Variants in KCNJ6 observed in about 807,000 individuals in gnomAD.
KCNJ6 encodes the protein G protein-activated inward rectifier potassium channel 2.
Under a neutral mutation model 34.2 loss-of-function variants are expected in KCNJ6, and 9 were observed. The observed-to-expected ratio is 0.26, with a 90% confidence interval of 0.16 to 0.46. The LOEUF (loss-of-function observed/expected upper bound fraction) is 0.46. Ranked by LOEUF, KCNJ6 falls within the 20% of genes least tolerant of loss-of-function variation. The probability of loss-of-function intolerance (pLI) is 1.00; values close to 1 mark genes in which losing one functional copy is unlikely to be tolerated. For synonymous variants in KCNJ6, 196 were observed against 207.1 expected (o/e 0.95, Z 0.46); for missense variants, 236 against 531.3 (o/e 0.44, Z 5.46).
chr21:37,847,401 AC>A (rs5843870), intron 1 of KCNJ6, among the ~76,000 whole-genome samples: 152,302 of 152,302 alleles, frequency 1, 76,151 homozygotes, highest in Non-Finnish European at 1. Context: ...CTGCACCTGC[AC>A]TCTCTCAGCC....
In KCNJ6 at chr21:37,622,714, T is replaced by C. The variant is rs2054293852; in HGVS notation, c.*2445A>G. 6.6e-6 allele frequency: 1 copy of C among 152,160 alleles called. No homozygotes were observed. The highest frequency in any genetic ancestry group is 1.5e-5 in the Non-Finnish European group (1 of 68,042). 9.4% of individuals were successfully genotyped at this position (152,160 alleles called of 1,614,324 possible). A position where few individuals can be genotyped will look rare whatever the true frequency, so the allele number is the denominator to read the frequency against. ...CACGTGGCCAACGTGTTGTCAAGGCTCTTCGTTCAGTTGTGCTAAAGGGCA... is the reference window on the plus strand; with the variant it reads ...CACGTGGCCAACGTGTTGTCAAGGCCCTTCGTTCAGTTGTGCTAAAGGGCA... On this transcript the variant is annotated 3_prime_UTR_variant, in exon 4 of 4. Transcript: ENST00000609713.
intron 2 of KCNJ6, among the ~76,000 whole-genome samples, chr21:37,818,432 T>C (rs541896799): frequency 2.0e-5 from 3 of 152,178 alleles, no homozygotes; most frequent in South Asian, 4.2e-4. Context: ...TATAACACAA[T>C]GCCCATTCCT....
At chr21:37,851,973 T>C (rs1310917887) in intron 1 of KCNJ6, among the ~76,000 whole-genome samples, 3 of 151,926 alleles carry the variant, frequency 2.0e-5, no homozygotes, top group Non-Finnish European at 4.4e-5. Flanking sequence ...TGTCAATAGA[T>C]GCAGACAAAA....
chr21:37,650,055 G>A (rs555149702), intron 3 of KCNJ6, among the ~76,000 whole-genome samples: 15 of 152,126 alleles, frequency 9.9e-5, no homozygotes, highest in South Asian at 6.3e-4. Flanking sequence ...GAACCACCGC[G>A]CCTGGCCTAA....
chr21:37,785,368 A>C (rs1254176367), intron 2 of KCNJ6, among the ~76,000 whole-genome samples: 1 of 152,142 alleles, frequency 6.6e-6, no homozygotes, highest in Non-Finnish European at 1.5e-5. Flanking sequence ...CTGAGGAAAA[A>C]CCACCTTGTC....
chr21:37,783,053 G>C (rs1478398651), intron 2 of KCNJ6, among the ~76,000 whole-genome samples: 1 of 152,124 alleles, frequency 6.6e-6, no homozygotes, highest in Non-Finnish European at 1.5e-5. Context: ...AGACTGTCAA[G>C]CTCAAATCCT....
At chr21:37,899,715 G>A (rs984564915) in intron 1 of KCNJ6, among the ~76,000 whole-genome samples, 2 of 152,144 alleles carry the variant, frequency 1.3e-5, no homozygotes, top group Non-Finnish European at 2.9e-5. Context: ...ACAAATCCTA[G>A]CTACCTGGTA....
intron 3 of KCNJ6, among the ~76,000 whole-genome samples, chr21:37,649,132 CAAAAAA>C (rs1169306298): frequency 5.0e-5 from 2 of 40,034 alleles, no homozygotes; most frequent in Non-Finnish European, 1.0e-4. Flanking sequence ...GACTCCATCT[CAAAAAA>C]AAAAAAAAAA....
At chr21:37,800,054 T>C (rs2055261957) in intron 2 of KCNJ6, among the ~76,000 whole-genome samples, 1 of 152,188 alleles carries the variant, frequency 6.6e-6, no homozygotes, top group African/African-American at 2.4e-5. Context: ...ATCTGAGGCA[T>C]TTGTAAGAAG....
At chr21:37,791,297 C>T (rs1461889788) in intron 2 of KCNJ6, among the ~76,000 whole-genome samples, 1 of 152,232 alleles carries the variant, frequency 6.6e-6, no homozygotes, top group Non-Finnish European at 1.5e-5. Context: ...TAGTGTTACT[C>T]TTGAAGGTCT....
chr21:37,886,588 A>T (rs1343108717), intron 1 of KCNJ6, among the ~76,000 whole-genome samples: 1 of 152,250 alleles, frequency 6.6e-6, no homozygotes, highest in East Asian at 1.9e-4. Flanking sequence ...TTAATAAGGC[A>T]TCACGCATAT....
At chr21:37,877,592 T>C (rs954044012) in intron 1 of KCNJ6, among the ~76,000 whole-genome samples, 2 of 150,308 alleles carry the variant, frequency 1.3e-5, no homozygotes, top group Non-Finnish European at 3.0e-5. Flanking sequence ...AAATCTTGGC[T>C]AGGCTAACAG....
intron 2 of KCNJ6, among the ~76,000 whole-genome samples, chr21:37,787,991 A>G (rs1395044032): frequency 6.6e-6 from 1 of 152,208 alleles, no homozygotes; most frequent in East Asian, 1.9e-4. Flanking sequence ...TCATGGACAG[A>G]AAGCTAATGG....
At chr21:37,755,990 C>T (rs1488877907) in intron 2 of KCNJ6, among the ~76,000 whole-genome samples, 1 of 152,236 alleles carries the variant, frequency 6.6e-6, no homozygotes, top group Non-Finnish European at 1.5e-5. Flanking sequence ...GAAGAAAAAT[C>T]AACACCAAAT....
intron 3 of KCNJ6, among the ~76,000 whole-genome samples, chr21:37,710,866 G>T (rs2054748210): frequency 6.6e-6 from 1 of 152,128 alleles, no homozygotes. Context: ...AAATATATCT[G>T]CAGATGAGAC....
chr21:37,718,789 C>T (rs1296407006), intron 2 of KCNJ6, among the ~76,000 whole-genome samples: 2 of 152,114 alleles, frequency 1.3e-5, no homozygotes, highest in African/African-American at 2.4e-5. Flanking sequence ...ACGTTGTGCA[C>T]AGGTACCCTA....
In KCNJ6 at chr21:37,675,899, C is replaced by T. The variant is rs1284182350; in HGVS notation, c.946+38312G>A. Among the ~76,000 whole-genome samples the T allele has an allele frequency of 6.6e-6, 1 of 152,124 alleles. No individual in the cohort carries two copies. Among genetic ancestry groups the T allele is most frequent in the Non-Finnish European group, 1.5e-5 (1 of 68,008 alleles). ...GGGTGGGGGTGGGGGTGGGGTGCGC[C>T]GACCCTGCTGCGCTTGTCAGCTTCT... On this transcript the variant is annotated intron_variant, in intron 3 of 3. Coordinates refer to ENST00000609713, the MANE Select transcript of KCNJ6 (RefSeq NM_002240.5). This position sits in a 1 kb window ranked among gnomAD's most constrained non-coding sequence, Gnocchi z 4.2.
rs2054270598 is a variant in KCNJ6 at position 37,617,000 on chromosome 21, TC to T, written c.*8158del. On this transcript the variant is annotated 3_prime_UTR_variant, in exon 4 of 4. Transcript: ENST00000609713. ...GATTTCTTTTCTCTTTCTTTCTTTC[TC>T]TTTCTTTTCTCTTTCTTTCTTTCTT... is the stretch of plus-strand genomic sequence containing the variant. The T allele has an allele frequency of 1.9e-5, 2 of 104,528 alleles. No homozygotes were observed. Among genetic ancestry groups the T allele is most frequent in the African/African-American group, 7.3e-5 (2 of 27,232 alleles). The allele number at this position is 104,528 out of a possible 1,614,324, so 6.5% of individuals were successfully genotyped here.
At chr21:37,889,799 C>T (rs1056808192) in intron 1 of KCNJ6, among the ~76,000 whole-genome samples, 1 of 152,194 alleles carries the variant, frequency 6.6e-6, no homozygotes, top group Non-Finnish European at 1.5e-5. Flanking sequence ...ATGGCCATCC[C>T]ATTGTCTCCT....
Sources: gnomAD v4.1 joint callset for allele counts (sites outside exome capture counted in the v4.1 genomes callset) on GRCh38, gnomAD v4.1.1 for gene constraint, Gnocchi (gnomAD v3.1) non-coding constraint, MANE v1.5 for transcripts, NCBI Gene and HGNC (gene_info 2026-07-23, HGNC 2026-07-21) for gene names.